SBF2: variants seen among roughly 807,000 people sequenced by gnomAD.
The protein encoded by SBF2 is SET binding factor 2, also known as myotubularin-related protein 13.
A neutral mutation model predicts 225.2 loss-of-function variants in SBF2; 112 were observed. The observed-to-expected ratio is 0.50, with a 90% CI of 0.43 to 0.58. SBF2 has a LOEUF of 0.58. SBF2 is among the 20% of genes least tolerant of loss of function. The pLI, the probability that SBF2 is intolerant of heterozygous loss-of-function variation, is 0.00. For missense variants in SBF2, 1,996 were observed against 2,206.2 expected, an observed-to-expected ratio of 0.90 and a Z score of 1.91; for synonymous variants, 763 against 773.3, an observed-to-expected ratio of 0.99 and a Z score of 0.22.
intron 1 of SBF2, among the ~76,000 whole-genome samples, chr11:10,267,022 A>C (rs938414459): frequency 6.6e-6 from 1 of 152,200 alleles, no homozygotes; most frequent in Non-Finnish European, 1.5e-5. Flanking sequence ...TGAACCTGGG[A>C]GGATGAAGTT....
chr11:9,998,119 T>C, intron 9 of SBF2, 147 bp downstream of exon 9: 1 of 619,184 alleles, frequency 1.6e-6, no homozygotes, highest in Non-Finnish European at 2.8e-6. Context: ...GAATTCTAAA[T>C]ACTGTATGAG....
intron 1 of SBF2, among the ~76,000 whole-genome samples, chr11:10,279,900 C>T (rs1309085916): frequency 1.3e-5 from 2 of 152,198 alleles, no homozygotes; most frequent in East Asian, 1.9e-4. Context: ...CCGCCCACCT[C>T]GGCCTCCCAA....
At chr11:10,009,317 G>A (rs1448584912) in intron 6 of SBF2, among the ~76,000 whole-genome samples, 1 of 152,100 alleles carries the variant, frequency 6.6e-6, no homozygotes, top group Non-Finnish European at 1.5e-5. Flanking sequence ...GTGAAGGTTT[G>A]CCAAATAGGT....
At chr11:9,969,930 A>G (rs1590640472) in intron 13 of SBF2, among the ~76,000 whole-genome samples, 1 of 152,210 alleles carries the variant, frequency 6.6e-6, no homozygotes, top group Admixed American at 6.5e-5. Context: ...CTGAACACAC[A>G]TAAGGATTGC....
intron 23 of SBF2, among the ~76,000 whole-genome samples, chr11:9,846,348 G>T (rs1856547237): frequency 6.6e-6 from 1 of 152,170 alleles, no homozygotes. Context: ...AGAAATCTGA[G>T]AAGTGATGAA....
intron 1 of SBF2, among the ~76,000 whole-genome samples, chr11:10,235,020 G>T (rs1250163356): frequency 6.6e-6 from 1 of 152,176 alleles, no homozygotes; most frequent in Non-Finnish European, 1.5e-5. Context: ...GTTTCTTTCT[G>T]CCAAGGAAGG....
chr11:9,788,958 T>C (rs1403361774), intron 35 of SBF2, 151 bp downstream of exon 35: 5 of 700,392 alleles, frequency 7.1e-6, no homozygotes, highest in Non-Finnish European at 1.3e-5. Context: ...GGTCCCCCAC[T>C]GATGATGGGG....
chr11:10,248,839 T>C (rs2135480958), intron 1 of SBF2, among the ~76,000 whole-genome samples: 1 of 152,380 alleles, frequency 6.6e-6, no homozygotes, highest in Middle Eastern at 3.4e-3. Flanking sequence ...CTTACGCCTG[T>C]AATCCTAGGG....
rs141892789 is a variant in SBF2 at position 9,805,663 on chromosome 11, C to T, written c.4443+2337G>A. Among the ~76,000 whole-genome samples the T allele has an allele frequency of 2.4e-3, 363 of 152,240 alleles. 3 individuals are homozygous for T. The highest frequency in any genetic ancestry group is 8.3e-3 in the African/African-American group (346 of 41,550). On this transcript the variant is annotated intron_variant, in intron 32 of 39. Transcript: ENST00000256190. ...CCCAAGACGGAGCCTCGCTCTGTCT[C>T]CCAGGCTGCAGTGCAGTGGGGGCTT...
At chr11:10,034,753 T>A (rs985481056) in intron 3 of SBF2, among the ~76,000 whole-genome samples, 1 of 152,184 alleles carries the variant, frequency 6.6e-6, no homozygotes, top group Non-Finnish European at 1.5e-5. Context: ...AAGTATACCA[T>A]TATATAGAAT....
chr11:10,136,032 C>A (rs772620455), intron 2 of SBF2, among the ~76,000 whole-genome samples: 4 of 152,198 alleles, frequency 2.6e-5, no homozygotes, highest in Non-Finnish European at 5.9e-5. Flanking sequence ...CACAGCTCCA[C>A]ATGGCTGGGG....
Position 9,858,368 on chromosome 11 carries a change from G to A in SBF2, c.1958C>T (p.Ala653Val), listed in dbSNP as rs2134007178. Residue 653 changes from alanine to valine, a missense_variant, in exon 18 of 40, where the codon GCT (alanine) becomes GTT (valine). Ala to Val is a moderately conservative substitution (Grantham distance 64). Transcript: ENST00000256190. ...RKLAPGVSQF[A>V]YTCVQDHPIW... ...GGGGTGGTCTTGTACACACGTGTAA[G>A]CAAACTGGCTGACTCCAGGGGCAAG... The A allele has an allele frequency of 6.2e-7, 1 of 1,614,172 alleles. No homozygotes were observed. The highest frequency in any genetic ancestry group is 8.5e-7 in the Non-Finnish European group (1 of 1,180,010).
chr11:10,188,818 C>G (rs1318866469), intron 2 of SBF2, among the ~76,000 whole-genome samples: 2 of 152,170 alleles, frequency 1.3e-5, no homozygotes, highest in Admixed American at 1.3e-4. Context: ...GAGCTCAAAC[C>G]ACCATTTTCT....
chr11:10,212,852 C>T (rs1292304362), intron 1 of SBF2, among the ~76,000 whole-genome samples: 3 of 152,168 alleles, frequency 2.0e-5, no homozygotes, highest in Non-Finnish European at 4.4e-5. Flanking sequence ...GAGATCAAGA[C>T]CATCCTGGCT....
intron 27 of SBF2, among the ~76,000 whole-genome samples, chr11:9,831,009 T>C (rs1416646707): frequency 6.6e-6 from 1 of 151,940 alleles, no homozygotes; most frequent in East Asian, 1.9e-4. Context: ...TTTTATTTCA[T>C]TTTTTTTGAG....
intron 1 of SBF2, among the ~76,000 whole-genome samples, chr11:10,267,705 C>T (rs1962128489): frequency 6.6e-6 from 1 of 152,142 alleles, no homozygotes; most frequent in South Asian, 2.1e-4. Flanking sequence ...CTATACAAAC[C>T]CGAAACTGTC....
At chr11:9,940,420 T>C (rs1865185498) in intron 16 of SBF2, among the ~76,000 whole-genome samples, 1 of 152,002 alleles carries the variant, frequency 6.6e-6, no homozygotes, top group Non-Finnish European at 1.5e-5. Context: ...AAAATTTTTT[T>C]TAAAGTACAT....
chr11:10,004,574 TAAA>T (rs763688115), intron 6 of SBF2, among the ~76,000 whole-genome samples: 5 of 85,558 alleles, frequency 5.8e-5, no homozygotes, highest in East Asian at 3.3e-4. Context: ...CTACAAAAAT[TAAA>T]AAAAAAAAAA....
intron 13 of SBF2, among the ~76,000 whole-genome samples, chr11:9,988,451 A>G (rs911660836): frequency 2.0e-5 from 3 of 152,218 alleles, no homozygotes; most frequent in African/African-American, 7.2e-5. Context: ...AGGAACAGTC[A>G]GCAGAGTAAA....
Sources: gnomAD v4.1 joint callset for allele counts (sites outside exome capture counted in the v4.1 genomes callset) on GRCh38, gnomAD v4.1.1 for gene constraint, MANE v1.5 for transcripts, NCBI Gene and HGNC (gene_info 2026-07-23, HGNC 2026-07-21) for gene names.